The following GPC5 variants were observed in gnomAD, a reference collection of about 807,000 sequenced individuals.
GPC5 encodes the protein glypican-5.
A neutral mutation model predicts 53.9 loss-of-function variants in GPC5; 47 were observed. The observed-to-expected ratio is 0.87, with a 90% CI of 0.69 to 1.11. The LOEUF (loss-of-function observed/expected upper bound fraction) is 1.11. GPC5 is among the 50% of genes most tolerant of loss of function. The pLI is 0.00. For missense variants in GPC5, 748 were observed against 713.1 expected (o/e 1.05, Z -0.56); for synonymous variants, 286 against 263.3 (o/e 1.09, Z -0.84).
intron 2 of GPC5, among the ~76,000 whole-genome samples, chr13:91,685,721 G>T (rs1262087865): frequency 6.6e-6 from 1 of 152,042 alleles, no homozygotes; most frequent in Admixed American, 6.6e-5. Context: ...TGGTTGAATG[G>T]ATGAATGAAA....
At chr13:91,797,426 G>A (rs2038064166) in intron 5 of GPC5, among the ~76,000 whole-genome samples, 1 of 151,980 alleles carries the variant, frequency 6.6e-6, no homozygotes, top group African/African-American at 2.4e-5. Flanking sequence ...CTCCCTAATA[G>A]TCTATTTTAA....
chr13:92,405,379 C>A (rs952273535), intron 7 of GPC5, among the ~76,000 whole-genome samples: 1 of 152,214 alleles, frequency 6.6e-6, no homozygotes, highest in African/African-American at 2.4e-5. Context: ...GCAAACAACA[C>A]AGGCAGCGGC....
chr13:91,435,203 G>A (rs972155743), intron 1 of GPC5, among the ~76,000 whole-genome samples: 37 of 152,136 alleles, frequency 2.4e-4, no homozygotes, highest in African/African-American at 8.7e-4. Flanking sequence ...TGATTGCCCT[G>A]GCCAGAACTT....
intron 2 of GPC5, among the ~76,000 whole-genome samples, chr13:91,595,026 ATT>A: frequency 6.9e-6 from 1 of 144,266 alleles, no homozygotes; most frequent in Non-Finnish European, 1.5e-5. Context: ...TTATTTATTT[ATT>A]TATTTATTTA....
At chr13:91,846,181 TACCCTGGCATGCCCATATG>T (rs2038846794) in intron 5 of GPC5, among the ~76,000 whole-genome samples, 1 of 152,142 alleles carries the variant, frequency 6.6e-6, no homozygotes, top group South Asian at 2.1e-4. Flanking sequence ...CTAGTTTATA[TACCCTGGCATGCCCATATG>T]ACCTGCTAAA....
chr13:91,846,382 T>C (rs561698769), intron 5 of GPC5, among the ~76,000 whole-genome samples: 2 of 152,226 alleles, frequency 1.3e-5, no homozygotes, highest in South Asian at 4.2e-4. Context: ...AGCGTAACAA[T>C]TTTGAGTTGT....
chr13:91,871,067 A>C (rs1332598355), intron 5 of GPC5, among the ~76,000 whole-genome samples: 1 of 152,208 alleles, frequency 6.6e-6, no homozygotes, highest in African/African-American at 2.4e-5. Flanking sequence ...TGGATACTGA[A>C]TAGACTATGT....
At chr13:92,353,667 C>T (rs944995357) in intron 7 of GPC5, among the ~76,000 whole-genome samples, 8 of 151,936 alleles carry the variant, frequency 5.3e-5, no homozygotes, top group African/African-American at 1.9e-4. Flanking sequence ...AAACAAATAA[C>T]CAGAATATAT....
intron 2 of GPC5, among the ~76,000 whole-genome samples, chr13:91,683,525 C>T (rs1398187667): frequency 6.6e-6 from 1 of 152,234 alleles, no homozygotes; most frequent in Non-Finnish European, 1.5e-5. Flanking sequence ...TCCTCTTTGC[C>T]TGCCGGAAGA....
At position 92,201,211 on chromosome 13, in the gene GPC5, A is replaced by G. The variant is rs1419004748; in HGVS notation, c.1561+56222A>G. On this transcript the variant is annotated intron_variant, in intron 7 of 7. Transcript: ENST00000377067. ...TATGCCTTTCACTCTTGAAGAGAAG[A>G]TATTAATGTTATGGACAAAGATGTA... Among the ~76,000 whole-genome samples, 5 of 152,328 alleles carry G rather than the reference A, an allele frequency of 3.3e-5. No individual in the cohort carries two copies. The South Asian group carries it at 1.0e-3, about 32-fold the overall frequency.
chr13:91,733,705 C>CG (rs1313615856), intron 4 of GPC5, among the ~76,000 whole-genome samples: 3 of 152,130 alleles, frequency 2.0e-5, no homozygotes, highest in African/African-American at 7.2e-5. Context: ...GCTGAAGTTG[C>CG]CTATCAGCTT....
At chr13:92,521,151 T>C (rs1447797959) in intron 7 of GPC5, among the ~76,000 whole-genome samples, 1 of 152,044 alleles carries the variant, frequency 6.6e-6, no homozygotes, top group Non-Finnish European at 1.5e-5. Context: ...GGAAGAACAT[T>C]CCATGCTCAC....
intron 7 of GPC5, among the ~76,000 whole-genome samples, chr13:92,702,964 T>C (rs1466149375): frequency 6.6e-6 from 1 of 151,996 alleles, no homozygotes; most frequent in Non-Finnish European, 1.5e-5. Context: ...AAAGCTCAGA[T>C]GGGAATTGTT....
In GPC5 at chr13:92,157,315, A is replaced by G. The variant is rs550926360; in HGVS notation, c.1561+12326A>G. Among the ~76,000 whole-genome samples the G allele has an allele frequency of 5.9e-5, 9 of 152,298 alleles. No individual in the cohort carries two copies. In the East Asian group the frequency reaches 1.5e-3, roughly 26 times the overall value. On this transcript the variant is annotated intron_variant, in intron 7 of 7. Coordinates refer to ENST00000377067, the MANE Select transcript of GPC5 (RefSeq NM_004466.6). ...AGAGAACTCTCCACTGAACCAAAAGATGAGATAGTTTTATGCACCTGGGAG... is the reference window on the plus strand; with the variant it reads ...AGAGAACTCTCCACTGAACCAAAAGGTGAGATAGTTTTATGCACCTGGGAG...
rs565040031 is a variant in GPC5, at chr13:92,352,287, C to T, written c.1561+207298C>T. Among the ~76,000 whole-genome samples the T allele has an allele frequency of 2.0e-5, 3 of 151,886 alleles. No individual in the cohort carries two copies. The South Asian group carries it at 6.2e-4, about 32-fold the overall frequency. On this transcript the variant is annotated intron_variant, in intron 7 of 7. Transcript: ENST00000377067. ...TCATTTATGTAAAAATGTCAAAAAA[C>T]GTGGCTAAAAATATAAATGAACATC... is the stretch of plus-strand genomic sequence containing the variant.
chr13:92,235,886 T>C (rs2042565973), intron 7 of GPC5, among the ~76,000 whole-genome samples: 1 of 152,104 alleles, frequency 6.6e-6, no homozygotes, highest in Non-Finnish European at 1.5e-5. Context: ...ACTGTATTTT[T>C]AGTTGTGCTT....
intron 7 of GPC5, among the ~76,000 whole-genome samples, chr13:92,745,924 T>A (rs572195322): frequency 6.6e-6 from 1 of 152,258 alleles, no homozygotes; most frequent in South Asian, 2.1e-4. Context: ...TTTTCCTTTT[T>A]ATGGAATTGT....
intron 5 of GPC5, among the ~76,000 whole-genome samples, chr13:91,780,310 C>G (rs945497765): frequency 1.3e-5 from 2 of 152,160 alleles, no homozygotes; most frequent in African/African-American, 2.4e-5. Context: ...TCTTTACCCT[C>G]TTGTCTATCT....
intron 6 of GPC5, among the ~76,000 whole-genome samples, chr13:92,034,809 C>T (rs1028425340): frequency 6.6e-6 from 1 of 151,968 alleles, no homozygotes; most frequent in Non-Finnish European, 1.5e-5. Context: ...CATTATGTAA[C>T]TCTAAAAATT....
Sources: allele counts gnomAD v4.1 joint callset (sites outside exome capture counted in the v4.1 genomes callset), GRCh38; gene constraint gnomAD v4.1.1; transcripts MANE v1.5; gene names NCBI Gene and HGNC (gene_info 2026-07-23, HGNC 2026-07-21).